The following EIF3L variants were observed in gnomAD, a reference collection of about 807,000 sequenced individuals.
The protein encoded by EIF3L is eukaryotic translation initiation factor 3 subunit L.
A neutral mutation model predicts 74.6 loss-of-function variants in EIF3L; 32 were observed. The observed-to-expected ratio is 0.43, with a 90% CI of 0.32 to 0.58. The LOEUF (loss-of-function observed/expected upper bound fraction) is 0.58, where lower values mean the gene tolerates loss of function less well. Among genes scored for constraint, EIF3L ranks in the 20% least tolerant of loss-of-function variants. EIF3L has a pLI of 0.06. For synonymous variants in EIF3L, 256 were observed against 254.4 expected, an observed-to-expected ratio of 1.01 and a Z score of -0.06; for missense variants, 474 against 707.8, an observed-to-expected ratio of 0.67 and a Z score of 3.75.
chr22:37,854,299 T>G (rs1009123484), intron 3 of EIF3L, among the ~76,000 whole-genome samples: 22 of 152,074 alleles, frequency 1.4e-4, no homozygotes, highest in African/African-American at 5.1e-4. Flanking sequence ...AAAAAGCCAG[T>G]TGAATTTGGT....
chr22:37,881,382 T>G (rs1345338288), intron 11 of EIF3L: 1 of 152,090 alleles, frequency 6.6e-6, no homozygotes, highest in African/African-American at 2.4e-5. Context: ...CTACAGGCGC[T>G]GATGAGCTGA....
chr22:37,849,836 G>T, intron 1 of EIF3L, 179 bp from the exon 2 acceptor site: 1 of 674,476 alleles, frequency 1.5e-6, no homozygotes, highest in South Asian at 1.8e-5. Context: ...CCGTAATGTT[G>T]TATTGTCATT....
intron 9 of EIF3L, among the ~76,000 whole-genome samples, chr22:37,875,636 C>T (rs1926705044): frequency 6.6e-6 from 1 of 152,148 alleles, no homozygotes; most frequent in African/African-American, 2.4e-5. Flanking sequence ...GATCCAGAAC[C>T]TTCTTGTTTA....
intron 9 of EIF3L, 125 bp downstream of exon 9, chr22:37,874,649 G>A: frequency 2.5e-6 from 3 of 1,183,356 alleles, no homozygotes; most frequent in Non-Finnish European, 3.5e-6. Context: ...GCCATTGAAA[G>A]TTGAGACTAA....
At chr22:37,874,605 A>G in intron 9 of EIF3L, 81 bp downstream of exon 9, 1 of 1,463,710 alleles carries the variant, frequency 6.8e-7, no homozygotes. Flanking sequence ...CTTAGGACAA[A>G]TTTCCAGGAG....
chr22:37,856,244 T>C (rs567107980), intron 4 of EIF3L, among the ~76,000 whole-genome samples: 9 of 151,966 alleles, frequency 5.9e-5, no homozygotes, highest in Non-Finnish European at 1.2e-4. Flanking sequence ...GCCCAGCTAA[T>C]TTTTGTATTT....
At chr22:37,864,331 C>G (rs1926028884) in intron 7 of EIF3L, among the ~76,000 whole-genome samples, 1 of 151,996 alleles carries the variant, frequency 6.6e-6, no homozygotes. Context: ...AGCCACCATG[C>G]CTAGCCATCT....
At chr22:37,872,747 T>G (rs1436870641) in intron 8 of EIF3L, among the ~76,000 whole-genome samples, 1 of 151,976 alleles carries the variant, frequency 6.6e-6, no homozygotes, top group East Asian at 1.9e-4. Flanking sequence ...GCCTCCCAAG[T>G]AGCTAGGAAC....
At chr22:37,865,845 C>G (rs953989235) in intron 7 of EIF3L, among the ~76,000 whole-genome samples, 1 of 152,180 alleles carries the variant, frequency 6.6e-6, no homozygotes, top group Non-Finnish European at 1.5e-5. Context: ...GAAGGATCAT[C>G]CGTGCTGATT....
At chr22:37,875,226 A>AC (rs1422411981) in intron 9 of EIF3L, among the ~76,000 whole-genome samples, 1 of 151,606 alleles carries the variant, frequency 6.6e-6, no homozygotes, top group Non-Finnish European at 1.5e-5. Flanking sequence ...AAAAAAAAAA[A>AC]AACTAGCTGG....
At chr22:37,874,933 TG>T (rs1926666068) in intron 9 of EIF3L, among the ~76,000 whole-genome samples, 1 of 146,030 alleles carries the variant, frequency 6.8e-6, no homozygotes, top group Non-Finnish European at 1.5e-5. Flanking sequence ...TTAGTAGAGT[TG>T]GGGTTTCACC....
chr22:37,851,205 G>C, intron 2 of EIF3L, 75 bp from the exon 3 acceptor site: 1 of 1,259,642 alleles, frequency 7.9e-7, no homozygotes, highest in Non-Finnish European at 1.1e-6. Context: ...TTAGTTTCTG[G>C]GGTGGTCTTG....
chr22:37,875,601 C>T (rs1926703683), intron 9 of EIF3L, among the ~76,000 whole-genome samples: 1 of 152,152 alleles, frequency 6.6e-6, no homozygotes, highest in South Asian at 2.1e-4. Flanking sequence ...CATTTTAGAG[C>T]TGAAGGAGAT....
intron 5 of EIF3L, among the ~76,000 whole-genome samples, chr22:37,859,512 G>GC (rs1925737634): frequency 6.6e-6 from 1 of 150,606 alleles, no homozygotes; most frequent in Non-Finnish European, 1.5e-5. Flanking sequence ...CTCCTGAGTA[G>GC]CTGGGATTGC....
At chr22:37,858,622 C>T (rs1455908232) in intron 4 of EIF3L, 57 bp from the exon 5 acceptor site, 8 of 1,506,184 alleles carry the variant, frequency 5.3e-6, no homozygotes, top group Non-Finnish European at 7.3e-6. Flanking sequence ...AGAGCTAAAG[C>T]TGCCAGGATA....
At chr22:37,878,856 A>G (rs888420950) in intron 11 of EIF3L, 8 of 152,154 alleles carry the variant, frequency 5.3e-5, no homozygotes, top group Non-Finnish European at 8.8e-5. Flanking sequence ...ACAGGTTGCA[A>G]TGTTAAATAC....
chr22:37,876,149 G>A (rs1046147459), intron 10 of EIF3L, 138 bp downstream of exon 10: 1 of 872,648 alleles, frequency 1.1e-6, no homozygotes, highest in Non-Finnish European at 1.7e-6. Context: ...AGCGCTCTGT[G>A]ATTGTGCCTA....
At chr22:37,861,703 G>A (rs1358545780) in intron 5 of EIF3L, among the ~76,000 whole-genome samples, 7 of 151,506 alleles carry the variant, frequency 4.6e-5, no homozygotes, top group Admixed American at 3.3e-4. Context: ...AAAAAGTAAA[G>A]ATTCCCTACT....
chr22:37,858,350 G>C (rs568656214), intron 4 of EIF3L, among the ~76,000 whole-genome samples: 3 of 147,342 alleles, frequency 2.0e-5, no homozygotes, highest in African/African-American at 7.5e-5. Flanking sequence ...TTAGCCTGCC[G>C]AGTAGCTGGG....
Sources: gnomAD v4.1 joint callset for allele counts (sites outside exome capture counted in the v4.1 genomes callset) on GRCh38, gnomAD v4.1.1 for gene constraint, MANE v1.5 for transcripts, NCBI Gene and HGNC (gene_info 2026-07-23, HGNC 2026-07-21) for gene names.